Variants in TRABD2B observed in about 807,000 individuals in gnomAD.
The protein encoded by TRABD2B is metalloprotease TIKI2.
Under a neutral mutation model 40.1 loss-of-function variants are expected in TRABD2B, and 14 were observed. That is an observed-to-expected ratio of 0.35 (90% CI 0.23 to 0.55). TRABD2B has a LOEUF of 0.55. Ranked by LOEUF, TRABD2B falls within the 20% of genes least tolerant of loss-of-function variation. The pLI is 0.90. For synonymous variants in TRABD2B, 263 were observed against 277.0 expected (o/e 0.95, Z 0.50); for missense variants, 541 against 648.6 (o/e 0.83, Z 1.80).
chr1:47,854,167 G>T (rs1433436619), intron 2 of TRABD2B, among the ~76,000 whole-genome samples: 1 of 152,218 alleles, frequency 6.6e-6, no homozygotes, highest in Non-Finnish European at 1.5e-5. Flanking sequence ...TCTGTAAAAT[G>T]GGGACGGTCT....
At chr1:47,848,488 A>G (rs1228969781) in intron 2 of TRABD2B, among the ~76,000 whole-genome samples, 1 of 152,228 alleles carries the variant, frequency 6.6e-6, no homozygotes, top group African/African-American at 2.4e-5. Context: ...CACAGTCATC[A>G]TATCAGAAAA....
intron 2 of TRABD2B, among the ~76,000 whole-genome samples, chr1:47,858,194 CTTTATTTTACTTTAT>C (rs1015494693): frequency 8.8e-5 from 13 of 148,482 alleles, no homozygotes; most frequent in Admixed American, 6.8e-5. Flanking sequence ...GTCATTCATT[CTTTATTTTACTTTAT>C]TTTATTTTAT....
chr1:47,794,966 A>T (rs1035632543), intron 3 of TRABD2B, among the ~76,000 whole-genome samples: 1 of 151,878 alleles, frequency 6.6e-6, no homozygotes, highest in South Asian at 2.1e-4. Flanking sequence ...ATTGAATCCC[A>T]CTATGTTGCC....
chr1:47,835,988 T>A (rs1182805568), intron 2 of TRABD2B, among the ~76,000 whole-genome samples: 1 of 152,186 alleles, frequency 6.6e-6, no homozygotes, highest in Non-Finnish European at 1.5e-5. Context: ...TCTATACTGA[T>A]GAGGTACAAG....
chr1:47,805,239 C>T (rs988575137), intron 2 of TRABD2B, among the ~76,000 whole-genome samples: 1 of 151,626 alleles, frequency 6.6e-6, no homozygotes, highest in Non-Finnish European at 1.5e-5. Flanking sequence ...CATTCATCCA[C>T]ACACACTGCC....
intron 2 of TRABD2B, among the ~76,000 whole-genome samples, chr1:47,843,326 G>A (rs1293139299): frequency 6.6e-6 from 1 of 152,162 alleles, no homozygotes; most frequent in East Asian, 1.9e-4. Flanking sequence ...TATGAGAGAA[G>A]GGGAGAAAGT....
intron 2 of TRABD2B, among the ~76,000 whole-genome samples, chr1:47,965,171 A>G (rs1233577687): frequency 8.3e-5 from 9 of 108,844 alleles, no homozygotes; most frequent in Admixed American, 1.1e-4. Flanking sequence ...ACTAGGGAAC[A>G]GGGAATATCC....
At position 47,955,296 on chromosome 1, in the gene TRABD2B, C is replaced by G. The variant is rs577690497; in HGVS notation, c.666+38738G>C. ...CCCGCTGTTTCTAGTCACCTCCTTC[C>G]CCAGTCCCTTTCTCCTTCCACCACC... is the stretch of plus-strand genomic sequence containing the variant. On this transcript the variant is annotated intron_variant, in intron 2 of 6. Coordinates refer to ENST00000606738, the MANE Select transcript of TRABD2B (RefSeq NM_001194986.2). Among the ~76,000 whole-genome samples the G allele has an allele frequency of 6.8e-4, 104 of 152,330 alleles. 1 individual carries two copies. The highest frequency in any genetic ancestry group is 2.5e-3 in the African/African-American group (102 of 41,576).
At chr1:47,782,735 C>A (rs2124125372) in intron 4 of TRABD2B, among the ~76,000 whole-genome samples, 1 of 152,258 alleles carries the variant, frequency 6.6e-6, no homozygotes, top group Admixed American at 6.5e-5. Flanking sequence ...AGCATGCCGT[C>A]CTCAGGAGCT....
intron 2 of TRABD2B, among the ~76,000 whole-genome samples, chr1:47,851,783 C>T (rs761262687): frequency 6.6e-6 from 1 of 152,224 alleles, no homozygotes; most frequent in African/African-American, 2.4e-5. Flanking sequence ...GCACCACATG[C>T]ATCACTGTCC....
chr1:47,796,852 G>T (rs1569964763), intron 3 of TRABD2B, among the ~76,000 whole-genome samples: 1 of 152,224 alleles, frequency 6.6e-6, no homozygotes, highest in Admixed American at 6.5e-5. Flanking sequence ...ACTTGATGCA[G>T]CTATGGGAAC....
At chr1:47,799,721 T>C (rs980239553) in intron 3 of TRABD2B, among the ~76,000 whole-genome samples, 5 of 152,154 alleles carry the variant, frequency 3.3e-5, no homozygotes, top group African/African-American at 7.2e-5. Flanking sequence ...CACTGGTGCA[T>C]GGTTTCCTCT....
chr1:47,843,188 G>A lies in TRABD2B; in HGVS notation c.667-41569C>T, dbSNP rs138824849. Among the ~76,000 whole-genome samples, 672 of 152,282 alleles carry A rather than the reference G, an allele frequency of 4.4e-3. 7 individuals carry two copies. Among genetic ancestry groups the A allele is most frequent in the African/African-American group, 0.016 (660 of 41,556 alleles). On this transcript the variant is annotated intron_variant, in intron 2 of 6. Coordinates refer to ENST00000606738, the MANE Select transcript of TRABD2B (RefSeq NM_001194986.2). ...GACCCTTTTCCTTAGAGCAAGGAGG[G>A]AGCCACTGGAGGGTTTTAAGCCGGG...
At chr1:47,840,069 G>C (rs1645375490) in intron 2 of TRABD2B, among the ~76,000 whole-genome samples, 1 of 152,120 alleles carries the variant, frequency 6.6e-6, no homozygotes, top group Non-Finnish European at 1.5e-5. Context: ...GCAGCCCAGG[G>C]CCTAATGAGA....
At chr1:47,953,173 C>T (rs1557677126) in intron 2 of TRABD2B, among the ~76,000 whole-genome samples, 1 of 152,132 alleles carries the variant, frequency 6.6e-6, no homozygotes, top group Non-Finnish European at 1.5e-5. Context: ...AAAAATGGGC[C>T]GAGAGCACCA....
intron 2 of TRABD2B, among the ~76,000 whole-genome samples, chr1:47,967,432 T>C (rs1017239098): frequency 6.6e-6 from 1 of 152,090 alleles, no homozygotes; most frequent in Admixed American, 6.6e-5. Context: ...CCAGAACATA[T>C]GTTAAAACAA....
chr1:47,994,010 CG>C lies in TRABD2B; in HGVS notation c.666+23del, dbSNP rs777255632. On this transcript the variant is annotated intron_variant, in intron 2 of 6. Coordinates refer to ENST00000606738, the MANE Select transcript of TRABD2B (RefSeq NM_001194986.2). This position sits in a 1 kb window ranked among gnomAD's most constrained non-coding sequence, Gnocchi z 6.7. ...CCCAGGTACCCAGGGCTGTCAGCTC[CG>C]GGCTGGGGCACTGCATGCCTACCTG... 105 of 1,522,298 alleles carry C rather than the reference CG, an allele frequency of 6.9e-5. No individual in the cohort carries two copies. The highest frequency in any genetic ancestry group is 8.8e-5 in the Non-Finnish European group (100 of 1,137,940). The allele number at this position is 1,522,298 out of a possible 1,614,324, so 94.3% of individuals were successfully genotyped here.
At position 47,997,002 on chromosome 1, in the gene TRABD2B, G is replaced by T; in HGVS notation, c.-213C>A. 9.2e-7 allele frequency: 1 copy of T among 1,084,692 alleles called. No homozygotes were observed. The highest frequency in any genetic ancestry group is 1.7e-5 in the African/African-American group (1 of 59,798). The allele number at this position is 1,084,692 out of a possible 1,614,324, so 67.2% of individuals were successfully genotyped here. On this transcript the variant is annotated 5_prime_UTR_variant, in exon 1 of 7. Coordinates refer to ENST00000606738, the MANE Select transcript of TRABD2B (RefSeq NM_001194986.2). ...CTGTTGGAAGAGGGAGACCCTCTAG[G>T]GCTGGGCCCCTCCCCCGGGCGCTCA...
intron 6 of TRABD2B, among the ~76,000 whole-genome samples, chr1:47,773,275 G>A (rs114103142): frequency 3.9e-5 from 6 of 152,074 alleles, no homozygotes; most frequent in Admixed American, 1.3e-4. Flanking sequence ...TGCCACTGAC[G>A]AAAGTGGCTC....
Sources: allele counts gnomAD v4.1 joint callset (sites outside exome capture counted in the v4.1 genomes callset), GRCh38; gene constraint gnomAD v4.1.1; non-coding constraint Gnocchi (gnomAD v3.1); transcripts MANE v1.5; gene names NCBI Gene and HGNC (gene_info 2026-07-23, HGNC 2026-07-21).